Variants in ADAMTS2 observed in about 807,000 individuals in gnomAD.
The protein encoded by ADAMTS2 is A disintegrin and metalloproteinase with thrombospondin motifs 2.
ADAMTS2 carries 50 observed loss-of-function variants against 123.0 expected under a neutral mutation model. That is an observed-to-expected ratio of 0.41 (90% confidence interval 0.32 to 0.51). The LOEUF is 0.51. Among genes scored for constraint, ADAMTS2 ranks in the 20% least tolerant of loss-of-function variants. The pLI is 0.35. For synonymous variants in ADAMTS2, 678 were observed against 695.4 expected, an observed-to-expected ratio of 0.98 and a Z score of 0.39; for missense variants, 1,494 against 1,705.2, an observed-to-expected ratio of 0.88 and a Z score of 2.18.
intron 12 of ADAMTS2, among the ~76,000 whole-genome samples, chr5:179,137,236 C>T (rs1401044705): frequency 6.6e-6 from 1 of 152,228 alleles, no homozygotes; most frequent in East Asian, 1.9e-4. Context: ...ACTGTGTTTA[C>T]AGTCCGTCCC....
chr5:179,341,574 G>C (rs769669012), intron 2 of ADAMTS2, among the ~76,000 whole-genome samples: 13 of 152,000 alleles, frequency 8.6e-5, no homozygotes, highest in Non-Finnish European at 1.8e-4. Flanking sequence ...TTAGCTGCAC[G>C]TGGTGGCAGG....
At chr5:179,296,457 G>C (rs193096851) in intron 2 of ADAMTS2, among the ~76,000 whole-genome samples, 3 of 152,170 alleles carry the variant, frequency 2.0e-5, no homozygotes, top group Non-Finnish European at 2.9e-5. Context: ...AGCGAGGCTG[G>C]GGCCCCTGCT....
chr5:179,294,606 A>C (rs1173609634), intron 2 of ADAMTS2, among the ~76,000 whole-genome samples: 1 of 152,184 alleles, frequency 6.6e-6, no homozygotes, highest in Non-Finnish European at 1.5e-5. Context: ...GGGGAGTGGA[A>C]GGGCCACCCC....
chr5:179,145,860 A>T (rs1196097002), intron 10 of ADAMTS2, among the ~76,000 whole-genome samples: 2 of 152,064 alleles, frequency 1.3e-5, no homozygotes, highest in African/African-American at 2.4e-5. Flanking sequence ...TTACTTATTT[A>T]TTTATTTTTG....
intron 1 of ADAMTS2, 78 bp from the exon 2 acceptor site, chr5:179,344,239 C>T: frequency 1.3e-6 from 2 of 1,498,446 alleles, no homozygotes; most frequent in Admixed American, 2.0e-5. Context: ...AAGCCACGCC[C>T]CCCCAGACCC....
At chr5:179,191,251 G>A (rs7732905) in intron 4 of ADAMTS2, among the ~76,000 whole-genome samples, 38,965 of 152,186 alleles carry the variant, frequency 0.26, 5,808 homozygotes, top group African/African-American at 0.4. Context: ...GGACGGCCCT[G>A]CCTCCCTGGA....
At chr5:179,232,845 T>C (rs965453472) in intron 3 of ADAMTS2, among the ~76,000 whole-genome samples, 5 of 152,208 alleles carry the variant, frequency 3.3e-5, no homozygotes, top group Admixed American at 1.3e-4. Context: ...TTCTTCTGTT[T>C]CTTTGGTTAA....
intron 2 of ADAMTS2, 112 bp downstream of exon 2, chr5:179,343,655 G>A: frequency 7.1e-7 from 1 of 1,407,130 alleles, no homozygotes; most frequent in South Asian, 1.3e-5. Flanking sequence ...CGGGAAGGGC[G>A]CGGAAAGTCC....
intron 3 of ADAMTS2, among the ~76,000 whole-genome samples, chr5:179,258,984 A>G (rs759253075): frequency 9.0e-4 from 137 of 152,242 alleles, no homozygotes; most frequent in Non-Finnish European, 1.7e-3. Flanking sequence ...TCCAGGCCGC[A>G]GTCTCTCCCT....
chr5:179,345,135 G>T lies in ADAMTS2; in HGVS notation c.139+55C>A. On this transcript the variant is annotated intron_variant, in intron 1 of 21. Transcript: ENST00000251582. This position sits in a 1 kb window ranked among gnomAD's most constrained non-coding sequence, Gnocchi z 7.5. ...CTGGGGAGGGGGCGGCGGGGCACGC[G>T]GGACAGGGCCAGGCCGGCGGGGGTC... 1 of 1,060,796 alleles carries T rather than the reference G, an allele frequency of 9.4e-7. No individual in the cohort carries two copies. The highest frequency in any genetic ancestry group is 1.1e-6 in the Non-Finnish European group (1 of 876,482). The allele number at this position is 1,060,796 out of a possible 1,614,324, so 65.7% of individuals were successfully genotyped here.
chr5:179,164,561 G>T (rs1249835919), intron 5 of ADAMTS2, among the ~76,000 whole-genome samples: 1 of 152,190 alleles, frequency 6.6e-6, no homozygotes, highest in Non-Finnish European at 1.5e-5. Flanking sequence ...GGAAGGGGAC[G>T]GCAAGTGCCA....
At chr5:179,322,583 G>C (rs534120898) in intron 2 of ADAMTS2, among the ~76,000 whole-genome samples, 1 of 152,200 alleles carries the variant, frequency 6.6e-6, no homozygotes, top group Non-Finnish European at 1.5e-5. Context: ...GCCAATTCCA[G>C]ATGACTTGTC....
intron 10 of ADAMTS2, among the ~76,000 whole-genome samples, chr5:179,140,726 A>G (rs1029222968): frequency 7.9e-5 from 12 of 152,062 alleles, no homozygotes; most frequent in African/African-American, 2.9e-4. Flanking sequence ...TGACCAAACA[A>G]CCAAAAAACA....
intron 2 of ADAMTS2, among the ~76,000 whole-genome samples, chr5:179,323,412 CA>C (rs768370319): frequency 2.6e-5 from 4 of 152,218 alleles, no homozygotes; most frequent in Non-Finnish European, 5.9e-5. Context: ...GGCTTCGTGG[CA>C]GGTGTCAGCA....
At chr5:179,329,071 C>T (rs113146948) in intron 2 of ADAMTS2, among the ~76,000 whole-genome samples, 7,128 of 152,058 alleles carry the variant, frequency 0.047, 214 homozygotes, top group African/African-American at 0.07. Context: ...CTCATGCCTG[C>T]AATCCCAGCA....
At chr5:179,135,110 C>CCCCAGCTCCCGGCTCCAGCT (rs1182667108) in intron 13 of ADAMTS2, among the ~76,000 whole-genome samples, 1 of 51,982 alleles carries the variant, frequency 1.9e-5, no homozygotes, top group Non-Finnish European at 5.0e-5. Context: ...CGGCTCCAGC[C>CCCCAGCTCCCGGCTCCAGCT]CCCAGCTCCC....
intron 15 of ADAMTS2, among the ~76,000 whole-genome samples, chr5:179,131,169 T>C (rs1488908550): frequency 6.6e-6 from 1 of 151,428 alleles, no homozygotes; most frequent in Non-Finnish European, 1.5e-5. Context: ...AAAAATTAGC[T>C]GGGCATGGTG....
chr5:179,300,836 ACGC>A (rs1489189191), intron 2 of ADAMTS2, among the ~76,000 whole-genome samples: 2 of 152,234 alleles, frequency 1.3e-5, no homozygotes, highest in Non-Finnish European at 2.9e-5. Context: ...AGTCTGAGAA[ACGC>A]AAGCCAGCAG....
At chr5:179,342,770 C>A (rs912301702) in intron 2 of ADAMTS2, among the ~76,000 whole-genome samples, 1 of 152,248 alleles carries the variant, frequency 6.6e-6, no homozygotes, top group Admixed American at 6.5e-5. Flanking sequence ...GTGGCCTCTG[C>A]TGTGTGCCAG....
Sources: gnomAD v4.1 joint callset for allele counts (sites outside exome capture counted in the v4.1 genomes callset) on GRCh38, gnomAD v4.1.1 for gene constraint, Gnocchi (gnomAD v3.1) non-coding constraint, MANE v1.5 for transcripts, NCBI Gene and HGNC (gene_info 2026-07-23, HGNC 2026-07-21) for gene names.